Variants in CLVS1 observed in about 807,000 individuals in gnomAD.
CLVS1 encodes clavesin 1, also known as clavesin-1.
A neutral mutation model predicts 33.1 loss-of-function variants in CLVS1; 10 were observed. That is an observed-to-expected ratio of 0.30 (90% CI 0.19 to 0.51). The LOEUF (loss-of-function observed/expected upper bound fraction) is 0.51, where lower values mean the gene tolerates loss of function less well. Ranked by LOEUF, CLVS1 falls within the 20% of genes least tolerant of loss-of-function variation. The pLI, the probability that CLVS1 is intolerant of heterozygous loss-of-function variation, is 0.97. For missense variants in CLVS1, 343 were observed against 433.4 expected (o/e 0.79, Z 1.85); for synonymous variants, 163 against 166.1 (o/e 0.98, Z 0.14).
intron 1 of CLVS1, among the ~76,000 whole-genome samples, chr8:61,298,175 A>G (rs1156834062): frequency 1.3e-5 from 2 of 152,136 alleles, no homozygotes; most frequent in Admixed American, 1.3e-4. Flanking sequence ...GCTTTCTGAA[A>G]GGGCTTTTGG....
At chr8:61,173,371 G>C (rs1807047022) in intron 2 of CLVS1, among the ~76,000 whole-genome samples, 1 of 152,152 alleles carries the variant, frequency 6.6e-6, no homozygotes, top group Admixed American at 6.5e-5. Flanking sequence ...AATTTGTGGA[G>C]ATCAATGTGG....
rs149868377 is a variant in CLVS1 at position 61,173,076 on chromosome 8, C to T, written c.-152+41216C>T. ...AAAATTCTGCCTCATGTGTCAAGTGCGCATTCAGTACTTTCCCTCTACAAT... is the reference window on the plus strand; with the variant it reads ...AAAATTCTGCCTCATGTGTCAAGTGTGCATTCAGTACTTTCCCTCTACAAT... On this transcript the variant is annotated intron_variant, in intron 2 of 2. Transcript: ENST00000522621. Among the ~76,000 whole-genome samples the T allele has an allele frequency of 4.7e-4, 71 of 152,152 alleles. No individual in the cohort carries two copies. In the South Asian group the frequency reaches 6.4e-3, roughly 14 times the overall value.
At chr8:61,012,373 T>G in the CLVS1 span, among the ~76,000 whole-genome samples, 1 of 152,256 alleles carries the variant, frequency 6.6e-6, no homozygotes, top group Non-Finnish European at 1.5e-5. Context: ...ACATACATTT[T>G]GTTTTCATTA....
At chr8:61,188,632 A>G (rs572560936) in intron 2 of CLVS1, among the ~76,000 whole-genome samples, 25 of 152,290 alleles carry the variant, frequency 1.6e-4, no homozygotes, top group African/African-American at 6.0e-4. Flanking sequence ...CTAAAATTAG[A>G]ACCTTTATAA....
At chr8:61,161,716 C>G (rs1806755575) in intron 2 of CLVS1, among the ~76,000 whole-genome samples, 1 of 152,206 alleles carries the variant, frequency 6.6e-6, no homozygotes, top group Non-Finnish European at 1.5e-5. Flanking sequence ...TTCTAGAGAT[C>G]TGATGCATAG....
At chr8:61,069,818 T>C (rs1804758860) in intron 1 of CLVS1, among the ~76,000 whole-genome samples, 1 of 152,072 alleles carries the variant, frequency 6.6e-6, no homozygotes, top group Admixed American at 6.5e-5. Context: ...TGAGACAGAG[T>C]CTCGCTCTAT....
intron 2 of CLVS1, among the ~76,000 whole-genome samples, chr8:61,364,564 T>A (rs1402958598): frequency 6.6e-6 from 1 of 152,234 alleles, no homozygotes; most frequent in African/African-American, 2.4e-5. Context: ...TGCCTCTGTT[T>A]AAGTTTCTTA....
At chr8:61,048,264 G>A in the CLVS1 span, among the ~76,000 whole-genome samples, 1 of 152,210 alleles carries the variant, frequency 6.6e-6, no homozygotes, top group Admixed American at 6.5e-5. Context: ...ATAATGTGTG[G>A]CAGAGCAGGG....
intron 2 of CLVS1, among the ~76,000 whole-genome samples, chr8:61,182,813 T>G (rs1484418220): frequency 6.6e-6 from 1 of 152,136 alleles, no homozygotes; most frequent in African/African-American, 2.4e-5. Flanking sequence ...ACCCAAAGGA[T>G]TATAAGTTAT....
At chr8:61,312,100 A>AAC (rs1304563071) in intron 2 of CLVS1, among the ~76,000 whole-genome samples, 2 of 152,152 alleles carry the variant, frequency 1.3e-5, no homozygotes, top group African/African-American at 4.8e-5. Flanking sequence ...CCCAGTTCTC[A>AAC]ACAAGCCAGG....
intron 1 of CLVS1, among the ~76,000 whole-genome samples, chr8:61,101,336 G>A (rs1245083838): frequency 2.0e-5 from 3 of 152,062 alleles, no homozygotes; most frequent in Admixed American, 2.0e-4. Context: ...ATGATGTTGA[G>A]CATCTTTTTA....
intron 2 of CLVS1, among the ~76,000 whole-genome samples, chr8:61,184,219 C>A (rs554453080): frequency 6.6e-6 from 1 of 152,096 alleles, no homozygotes; most frequent in Non-Finnish European, 1.5e-5. Context: ...ACCTCTTCCT[C>A]GCATGGAGAG....
chr8:61,142,797 G>A (rs1806332128), intron 2 of CLVS1, among the ~76,000 whole-genome samples: 1 of 152,162 alleles, frequency 6.6e-6, no homozygotes, highest in South Asian at 2.1e-4. Flanking sequence ...AGGAGGGATT[G>A]CTCCTTTCTG....
chr8:61,365,293 C>T (rs567010409), intron 2 of CLVS1, among the ~76,000 whole-genome samples: 4 of 151,890 alleles, frequency 2.6e-5, no homozygotes, highest in South Asian at 2.1e-4. Context: ...TTTGGGAGGC[C>T]GAGGCGGGCG....
At chr8:61,352,788 AT>A (rs1288620846) in intron 2 of CLVS1, among the ~76,000 whole-genome samples, 2 of 152,030 alleles carry the variant, frequency 1.3e-5, no homozygotes, top group Non-Finnish European at 2.9e-5. Context: ...GCAATAAAAA[AT>A]AACAATACAA....
intron 2 of CLVS1, among the ~76,000 whole-genome samples, chr8:61,334,891 T>C (rs946699666): frequency 1.3e-5 from 2 of 152,194 alleles, no homozygotes; most frequent in Non-Finnish European, 2.9e-5. Context: ...GAGCTGGCTG[T>C]GCAGGAGACC....
At chr8:61,093,598 C>A (rs577158937) in intron 1 of CLVS1, among the ~76,000 whole-genome samples, 1 of 152,192 alleles carries the variant, frequency 6.6e-6, no homozygotes, top group Non-Finnish European at 1.5e-5. Context: ...TAGACAGTCC[C>A]TTTAGTGCTG....
intron 1 of CLVS1, among the ~76,000 whole-genome samples, chr8:61,071,447 C>T (rs934303939): frequency 6.6e-6 from 1 of 152,182 alleles, no homozygotes; most frequent in African/African-American, 2.4e-5. Context: ...AATCATGTCT[C>T]CTACTTCCTC....
the CLVS1 span, among the ~76,000 whole-genome samples, chr8:61,026,973 T>G: frequency 6.6e-5 from 10 of 152,144 alleles, no homozygotes; most frequent in East Asian, 1.9e-3. Context: ...GTGATTAGTC[T>G]TTCCATCGTT....
Sources: gnomAD v4.1 joint callset for allele counts (sites outside exome capture counted in the v4.1 genomes callset) on GRCh38, gnomAD v4.1.1 for gene constraint, MANE v1.5 for transcripts, NCBI Gene and HGNC (gene_info 2026-07-23, HGNC 2026-07-21) for gene names.